The following SMURF2 variants were observed in gnomAD, a reference collection of about 807,000 sequenced individuals.
SMURF2 encodes SMAD specific E3 ubiquitin protein ligase 2.
SMURF2 carries 48 observed loss-of-function variants against 109.6 expected under a neutral mutation model. That is an observed-to-expected ratio of 0.44 (90% CI 0.35 to 0.56). The LOEUF (loss-of-function observed/expected upper bound fraction) is 0.56, where lower values mean the gene tolerates loss of function less well. Among genes scored for constraint, SMURF2 ranks in the 20% least tolerant of loss-of-function variants. The pLI, the probability that SMURF2 is intolerant of heterozygous loss-of-function variation, is 0.01. For synonymous variants in SMURF2, 288 were observed against 317.1 expected (o/e 0.91, Z 0.97); for missense variants, 575 against 909.0 (o/e 0.63, Z 4.72).
intron 1 of SMURF2, among the ~76,000 whole-genome samples, chr17:64,615,226 A>G (rs1278852101): frequency 6.6e-6 from 1 of 152,138 alleles, no homozygotes; most frequent in Non-Finnish European, 1.5e-5. Context: ...TTGGAGTTGC[A>G]TTCCAATTAC....
chr17:64,572,477 G>T (rs531376854), intron 9 of SMURF2, among the ~76,000 whole-genome samples: 1 of 152,208 alleles, frequency 6.6e-6, no homozygotes, highest in African/African-American at 2.4e-5. Flanking sequence ...AGAATAAACT[G>T]CAATTCTAAA....
chr17:64,582,151 C>T (rs551614723), intron 7 of SMURF2, among the ~76,000 whole-genome samples: 3 of 152,158 alleles, frequency 2.0e-5, no homozygotes, highest in East Asian at 3.9e-4. Context: ...AATTCCTTGG[C>T]AGTTTAATAC....
Position 64,557,593 on chromosome 17 carries a change from A to C in SMURF2, c.1431+15T>G. ...CATTATTGGTCACAATTCACATCAT[A>C]ACTTCAAATCATACCGGATTAACTG... On this transcript the variant is annotated intron_variant, in intron 13 of 18. Transcript: ENST00000262435. 1.4e-6 allele frequency: 2 copies of C among 1,425,288 alleles called. No homozygotes were observed. Among genetic ancestry groups the C allele is most frequent in the Non-Finnish European group, 2.0e-6 (2 of 1,011,474 alleles). 88.3% of individuals were successfully genotyped at this position (1,425,288 alleles called of 1,614,324 possible).
At chr17:64,637,234 C>CTCTT (rs1219852158) in intron 1 of SMURF2, among the ~76,000 whole-genome samples, 60 of 151,576 alleles carry the variant, frequency 4.0e-4, no homozygotes, top group African/African-American at 1.4e-3. Context: ...TCAAGCGATT[C>CTCTT]TCTTGCCTCA....
In SMURF2 at chr17:64,578,441, A is replaced by T. The variant is rs782018390; in HGVS notation, c.857+51T>A. The T allele has an allele frequency of 1.3e-4, 159 of 1,180,726 alleles. 1 individual carries two copies. The highest frequency in any genetic ancestry group is 1.9e-4 in the Non-Finnish European group (154 of 809,466). 73.1% of individuals were successfully genotyped at this position (1,180,726 alleles called of 1,614,324 possible). On this transcript the variant is annotated intron_variant, in intron 9 of 18. Transcript: ENST00000262435. The stretch of plus-strand genomic sequence containing the variant: ...ATTTCTTAAAAATCAAAGAAATCCT[A>T]GGTGAAATGGCTCTTTGATGGTCTA...
At chr17:64,569,157 C>T (rs895511591) in intron 10 of SMURF2, among the ~76,000 whole-genome samples, 11 of 150,898 alleles carry the variant, frequency 7.3e-5, no homozygotes, top group African/African-American at 2.7e-4. Flanking sequence ...AAAATTAGCT[C>T]GGCGTGGTGG....
intron 1 of SMURF2, among the ~76,000 whole-genome samples, chr17:64,655,863 C>G (rs993595271): frequency 8.5e-5 from 13 of 152,146 alleles, no homozygotes; most frequent in African/African-American, 2.7e-4. Flanking sequence ...CCACTGTACT[C>G]TAGCCTGAGT....
At chr17:64,637,045 C>T (rs1598308626) in intron 1 of SMURF2, among the ~76,000 whole-genome samples, 1 of 151,998 alleles carries the variant, frequency 6.6e-6, no homozygotes, top group African/African-American at 2.4e-5. Flanking sequence ...CAGAGTGAGA[C>T]CTCATCTTTA....
intron 1 of SMURF2, among the ~76,000 whole-genome samples, chr17:64,641,450 T>C (rs570601356): frequency 1.1e-4 from 17 of 152,302 alleles, no homozygotes; most frequent in African/African-American, 4.1e-4. Context: ...TCTATCAAGA[T>C]ATGGGAGTTC....
intron 12 of SMURF2, among the ~76,000 whole-genome samples, chr17:64,557,972 T>G (rs140103864): frequency 3.1e-3 from 467 of 152,230 alleles, no homozygotes; most frequent in Non-Finnish European, 5.6e-3. Context: ...CATCAAAGAG[T>G]ATAAAAGTAT....
chr17:64,614,977 T>C (rs1317724724), intron 1 of SMURF2, among the ~76,000 whole-genome samples: 1 of 152,228 alleles, frequency 6.6e-6, no homozygotes, highest in Non-Finnish European at 1.5e-5. Flanking sequence ...GAAGTACAGA[T>C]GGCAGTAAAT....
Position 64,644,518 on chromosome 17 carries a change from C to G in SMURF2, c.52+17311G>C, listed in dbSNP as rs114938173. 3.0e-3 allele frequency among the ~76,000 whole-genome samples: 454 copies of G among 151,142 alleles called. 2 individuals are homozygous for G. Among genetic ancestry groups the G allele is most frequent in the African/African-American group, 0.011 (441 of 41,104 alleles). On this transcript the variant is annotated intron_variant, in intron 1 of 18. Transcript: ENST00000262435. ...GGCTGAGGCAGGAGGAATGCTTGAGCCTGGGTGGTCCAGGCTGCAGTAAGC... is the reference window on the plus strand; with the variant it reads ...GGCTGAGGCAGGAGGAATGCTTGAGGCTGGGTGGTCCAGGCTGCAGTAAGC...
chr17:64,546,849 G>A (rs1295547034), intron 17 of SMURF2, among the ~76,000 whole-genome samples: 3 of 152,208 alleles, frequency 2.0e-5, no homozygotes, highest in Admixed American at 2.0e-4. Flanking sequence ...GTGAGGATGA[G>A]GAGCTCTCCT....
intron 1 of SMURF2, among the ~76,000 whole-genome samples, chr17:64,640,046 A>G (rs542045927): frequency 1.2e-3 from 177 of 152,334 alleles, no homozygotes; most frequent in Non-Finnish European, 2.1e-3. Flanking sequence ...AAATACAGGA[A>G]TTCTATACTA....
rs577434721 is a variant in SMURF2, at chr17:64,546,995, G to A, written c.2071+605C>T. On this transcript the variant is annotated intron_variant, in intron 17 of 18. Transcript: ENST00000262435. Reference sequence around the variant, plus strand: ...ATTCATCACCAGCAGCTTTGAAAATGAAGTGCTTAAGAGGTAAAGGAAGCA... The same window carrying A: ...ATTCATCACCAGCAGCTTTGAAAATAAAGTGCTTAAGAGGTAAAGGAAGCA... Among the ~76,000 whole-genome samples the A allele has an allele frequency of 3.3e-5, 5 of 152,294 alleles. No homozygotes were observed. In the South Asian group the frequency reaches 1.0e-3, roughly 32 times the overall value.
chr17:64,618,124 T>C (rs1169231094), intron 1 of SMURF2, among the ~76,000 whole-genome samples: 1 of 152,200 alleles, frequency 6.6e-6, no homozygotes, highest in African/African-American at 2.4e-5. Flanking sequence ...ACTTCTGGTG[T>C]AAGTTCACAT....
intron 16 of SMURF2, among the ~76,000 whole-genome samples, chr17:64,550,757 C>CAAAAAAAA (rs146307567): frequency 3.3e-3 from 233 of 69,556 alleles, no homozygotes; most frequent in Middle Eastern, 9.8e-3. Flanking sequence ...ACTCTGTCTC[C>CAAAAAAAA]AAAAAAAAAA....
intron 1 of SMURF2, among the ~76,000 whole-genome samples, chr17:64,625,791 T>C (rs187815095): frequency 1.2e-4 from 18 of 152,328 alleles, no homozygotes; most frequent in Admixed American, 3.3e-4. Context: ...CACCAGACTT[T>C]GAAAACCACG....
chr17:64,617,746 G>A (rs912083210), intron 1 of SMURF2, among the ~76,000 whole-genome samples: 13 of 152,038 alleles, frequency 8.6e-5, no homozygotes, highest in Non-Finnish European at 1.9e-4. Context: ...TAGAATTACA[G>A]GCATGAGCCA....
Sources: allele counts gnomAD v4.1 joint callset (sites outside exome capture counted in the v4.1 genomes callset), GRCh38; gene constraint gnomAD v4.1.1; transcripts MANE v1.5; gene names NCBI Gene and HGNC (gene_info 2026-07-23, HGNC 2026-07-21).